The following PHC2 variants were observed in gnomAD, a reference collection of about 807,000 sequenced individuals.
PHC2 encodes the protein polyhomeotic-like protein 2.
A neutral mutation model predicts 87.4 loss-of-function variants in PHC2; 29 were observed. That is an observed-to-expected ratio of 0.33 (90% CI 0.25 to 0.45). PHC2 has a LOEUF of 0.45. Ranked by LOEUF, PHC2 falls within the 20% of genes least tolerant of loss-of-function variation. The pLI, the probability that PHC2 is intolerant of heterozygous loss-of-function variation, is 1.00. For synonymous variants in PHC2, 438 were observed against 461.7 expected (o/e 0.95, Z 0.66); for missense variants, 857 against 1,136.7 (o/e 0.75, Z 3.54).
At position 33,369,685 on chromosome 1, in the gene PHC2, T is replaced by G. The variant is rs1037448496; in HGVS notation, c.576+736A>C. 6.6e-6 allele frequency among the ~76,000 whole-genome samples: 1 copy of G among 152,036 alleles called. No homozygotes were observed. The highest frequency in any genetic ancestry group is 2.4e-5 in the African/African-American group (1 of 41,384). ...GGGTGGGACTGTGTTACTTTCGGGA[T>G]AGTGTGTCAAGAGCCCGAAGGAGCA... On this transcript the variant is annotated intron_variant, in intron 5 of 14. Transcript: ENST00000683057. This position sits in a 1 kb window ranked among gnomAD's most constrained non-coding sequence, Gnocchi z 4.7.
In PHC2 at chr1:33,364,014, C is replaced by T. The variant is rs541900079; in HGVS notation, c.976+3102G>A. On this transcript the variant is annotated intron_variant, in intron 7 of 14. Coordinates refer to ENST00000683057, the MANE Select transcript of PHC2 (RefSeq NM_001385109.1). The surrounding 1 kb of genome is among the most constrained non-coding windows in gnomAD (Gnocchi z 4.1). ...TTACTCCCCTCCCCCACCTGCTCCCCCACCCCTATTCTCGGCATAAGGGAC... is the reference window on the plus strand; with the variant it reads ...TTACTCCCCTCCCCCACCTGCTCCCTCACCCCTATTCTCGGCATAAGGGAC... 2.1e-6 allele frequency: 1 copy of T among 481,838 alleles called. No homozygotes were observed. Among genetic ancestry groups the T allele is most frequent in the East Asian group, 1.5e-4 (1 of 6,492 alleles). 29.8% of individuals were successfully genotyped at this position (481,838 alleles called of 1,614,324 possible). A position where few individuals can be genotyped will look rare whatever the true frequency, so the allele number is the denominator to read the frequency against.
At chr1:33,351,564 AG>A (rs1646973070) in intron 9 of PHC2, among the ~76,000 whole-genome samples, 1 of 152,176 alleles carries the variant, frequency 6.6e-6, no homozygotes, top group Admixed American at 6.5e-5. Context: ...CATCGTTTCA[AG>A]TAGACCTTCA....
Position 33,355,122 on chromosome 1 carries a change from G to A in PHC2, c.1108C>T (p.Leu370Phe), listed in dbSNP as rs1647045984. The part of the protein sequence containing the change: ...QPPPQQSRPV[L>F]QAEPHPQLAS... ...AGCTGGGGGTGGGGCTCAGCTTGGA[G>A]CACAGGCCGTGACTGCTGGGGCGGC... Residue 370 changes from leucine (L) to phenylalanine (F), a missense_variant, in exon 8 of 15, where the codon CTC (leucine) becomes TTC (phenylalanine). Physicochemically the swap from Leu to Phe is conservative, Grantham distance 22. Coordinates refer to ENST00000683057, the MANE Select transcript of PHC2 (RefSeq NM_001385109.1). 2 of 1,611,202 alleles carry A rather than the reference G, an allele frequency of 1.2e-6. No homozygotes were observed. Among genetic ancestry groups the A allele is most frequent in the Non-Finnish European group, 1.7e-6 (2 of 1,178,988 alleles).
chr1:33,342,565 T>TCCAAACAGCTGCTTGAACGCTTC (rs1304979996), intron 9 of PHC2, among the ~76,000 whole-genome samples: 2 of 137,270 alleles, frequency 1.5e-5, no homozygotes, highest in Non-Finnish European at 3.1e-5. Context: ...GTGGGGGATT[T>TCCAAACAGCTGCTTGAACGCTTC]CCAAACAGCT....
chr1:33,356,618 T>C lies in PHC2; in HGVS notation c.977-1365A>G, dbSNP rs541643061. Among the ~76,000 whole-genome samples the C allele has an allele frequency of 1.3e-3, 200 of 152,288 alleles. 2 individuals are homozygous for C. Among genetic ancestry groups the C allele is most frequent in the African/African-American group, 4.6e-3 (190 of 41,570 alleles). ...GAGCACGGGGTTGGGGGTAAGGTTA[T>C]AGATTAACAGCATCCCAAGGCAGAA... On this transcript the variant is annotated intron_variant, in intron 7 of 14. Transcript: ENST00000683057.
chr1:33,380,777 T>C (rs1397693555), intron 1 of PHC2, among the ~76,000 whole-genome samples: 7 of 152,214 alleles, frequency 4.6e-5, no homozygotes, highest in Non-Finnish European at 7.3e-5. Context: ...ACCTCTGTTC[T>C]TGGGCCCACC....
In PHC2 at chr1:33,355,169, G is replaced by A; in HGVS notation, c.1061C>T (p.Pro354Leu). The A allele has an allele frequency of 6.2e-7, 1 of 1,608,408 alleles. No homozygotes were observed. The highest frequency in any genetic ancestry group is 8.5e-7 in the Non-Finnish European group (1 of 1,178,066). ...LQPQFVIQQQPQPQQQQPPPQ... is the reference protein window; with the variant it reads ...LQPQFVIQQQLQPQQQQPPPQ... ...CGGCGGCTGCTGCTGTTGTGGCTGTGGCTGCTGCTGGATCACAAATTGGGG... is the reference window on the plus strand; with the variant it reads ...CGGCGGCTGCTGCTGTTGTGGCTGTAGCTGCTGCTGGATCACAAATTGGGG... The change falls in exon 8 of 15, where the codon CCA becomes CTA. Residue 354 changes from proline (P) to leucine (L), a missense_variant. Transcript: ENST00000683057.
At chr1:33,363,729 C>T (rs989823729) in intron 7 of PHC2, 1 of 984,682 alleles carries the variant, frequency 1.0e-6, no homozygotes, top group African/African-American at 1.7e-5. Context: ...GCAACTTTCT[C>T]CTCACCTTTG....
At chr1:33,408,888 C>T (rs954331940) in intron 1 of PHC2, among the ~76,000 whole-genome samples, 2 of 152,278 alleles carry the variant, frequency 1.3e-5, no homozygotes, top group South Asian at 2.1e-4. Flanking sequence ...CAGGAGAGAA[C>T]CAGACTCTCA....
chr1:33,370,204 TTC>T (rs879908776), intron 5 of PHC2, among the ~76,000 whole-genome samples: 1 of 152,112 alleles, frequency 6.6e-6, no homozygotes, highest in African/African-American at 2.4e-5. Flanking sequence ...CGCAGGAACT[TTC>T]TCTGTTTCAG....
At chr1:33,418,529 A>G (rs1273343563) in intron 1 of PHC2, among the ~76,000 whole-genome samples, 1 of 152,242 alleles carries the variant, frequency 6.6e-6, no homozygotes, top group African/African-American at 2.4e-5. Flanking sequence ...ACAAACTATC[A>G]GAGCTCACTC....
intron 1 of PHC2, among the ~76,000 whole-genome samples, chr1:33,385,730 C>T (rs1648709524): frequency 6.6e-6 from 1 of 152,082 alleles, no homozygotes; most frequent in Non-Finnish European, 1.5e-5. Context: ...GATCACTATC[C>T]AAGCCAGTTA....
intron 9 of PHC2, among the ~76,000 whole-genome samples, chr1:33,343,244 C>T (rs886499766): frequency 6.6e-6 from 1 of 151,696 alleles, no homozygotes; most frequent in African/African-American, 2.4e-5. Flanking sequence ...GGGTGGATCA[C>T]GACGTCAAGA....
intron 1 of PHC2, among the ~76,000 whole-genome samples, chr1:33,411,282 T>A (rs1649969378): frequency 6.6e-6 from 1 of 152,192 alleles, no homozygotes; most frequent in Non-Finnish European, 1.5e-5. Context: ...CTCAATATAA[T>A]CATTTGTTCT....
chr1:33,421,666 C>A (rs1341294571), intron 1 of PHC2, among the ~76,000 whole-genome samples: 4 of 152,200 alleles, frequency 2.6e-5, no homozygotes, highest in Non-Finnish European at 5.9e-5. Flanking sequence ...ACACTGCAAG[C>A]AACTCCAAGA....
At chr1:33,386,272 C>T (rs1648743437) in intron 1 of PHC2, among the ~76,000 whole-genome samples, 1 of 151,064 alleles carries the variant, frequency 6.6e-6, no homozygotes, top group Non-Finnish European at 1.5e-5. Flanking sequence ...AATCCCAGCA[C>T]TTTGGGAGGC....
intron 9 of PHC2, among the ~76,000 whole-genome samples, chr1:33,343,045 TAAC>T (rs983325585): frequency 2.2e-4 from 34 of 152,324 alleles, no homozygotes; most frequent in African/African-American, 7.7e-4. Flanking sequence ...TCTCCATCTG[TAAC>T]AACGAGGCTC....
At chr1:33,371,172 G>A (rs971859643) in intron 3 of PHC2, 78 bp from the exon 4 acceptor site, 1 of 1,220,520 alleles carries the variant, frequency 8.2e-7, no homozygotes, top group Non-Finnish European at 1.2e-6. Context: ...TCCACAGGAG[G>A]TGCTGCAGGC....
chr1:33,419,612 CTTTCT>C (rs940059776), intron 1 of PHC2, among the ~76,000 whole-genome samples: 6 of 151,974 alleles, frequency 3.9e-5, no homozygotes, highest in South Asian at 2.1e-4. Context: ...GCCTCTCTCT[CTTTCT>C]TATTTTTTTT....
Sources: allele counts gnomAD v4.1 joint callset (sites outside exome capture counted in the v4.1 genomes callset), GRCh38; gene constraint gnomAD v4.1.1; non-coding constraint Gnocchi (gnomAD v3.1); transcripts MANE v1.5; gene names NCBI Gene and HGNC (gene_info 2026-07-23, HGNC 2026-07-21).